The following DLGAP2 variants were observed in gnomAD, a reference collection of about 807,000 sequenced individuals.
The protein encoded by DLGAP2 is disks large-associated protein 2.
Under a neutral mutation model 100.3 loss-of-function variants are expected in DLGAP2, and 26 were observed. The ratio of observed to expected loss-of-function variants is 0.26; its 90% CI spans 0.19 to 0.36. DLGAP2 has a LOEUF of 0.36. DLGAP2 is among the 10% of genes least tolerant of loss of function. The pLI is 1.00. For synonymous variants in DLGAP2, 886 were observed against 630.1 expected, an observed-to-expected ratio of 1.41 and a Z score of -6.08; for missense variants, 1,858 against 1,453.2, an observed-to-expected ratio of 1.28 and a Z score of -4.53.
chr8:1,523,839 C>T (rs1221496453), intron 4 of DLGAP2, among the ~76,000 whole-genome samples: 1 of 152,168 alleles, frequency 6.6e-6, no homozygotes, highest in Non-Finnish European at 1.5e-5. Flanking sequence ...AAAAGAAATC[C>T]AGTGAATAAA....
intron 3 of DLGAP2, chr8:1,381,237 C>T (rs1008220282): frequency 6.6e-6 from 1 of 152,150 alleles, no homozygotes; most frequent in Non-Finnish European, 1.5e-5. Flanking sequence ...AACCTCACCA[C>T]CAATTCCATG....
At chr8:1,449,773 A>C (rs1395645159) in intron 3 of DLGAP2, among the ~76,000 whole-genome samples, 2 of 150,274 alleles carry the variant, frequency 1.3e-5, no homozygotes, top group Non-Finnish European at 3.0e-5. Flanking sequence ...CAAGGGCCGC[A>C]GAGAAGGAGC....
At chr8:1,179,670 T>C (rs991588265) in intron 2 of DLGAP2, among the ~76,000 whole-genome samples, 5 of 152,262 alleles carry the variant, frequency 3.3e-5, no homozygotes, top group African/African-American at 1.2e-4. Context: ...AATTTGTGTT[T>C]TAAACATATA....
At chr8:1,205,352 G>C (rs1209857916) in intron 2 of DLGAP2, among the ~76,000 whole-genome samples, 1 of 152,042 alleles carries the variant, frequency 6.6e-6, no homozygotes. Context: ...GGCTATTTGA[G>C]AAAAGGAAGG....
At chr8:1,287,320 TGTGTGTGTGTGTGC>T (rs1799948356) in intron 3 of DLGAP2, among the ~76,000 whole-genome samples, 1 of 135,584 alleles carries the variant, frequency 7.4e-6, no homozygotes. Context: ...TCAGCGTGTG[TGTGTGTGTGTGTGC>T]GTGGTTCTGT....
At chr8:1,093,042 GC>G (rs1804236938) in intron 2 of DLGAP2, among the ~76,000 whole-genome samples, 1 of 107,812 alleles carries the variant, frequency 9.3e-6, no homozygotes, top group African/African-American at 3.4e-5. Context: ...AGCCAGTGCT[GC>G]AGCTGAGGCT....
chr8:1,206,818 C>T (rs1173009526), intron 2 of DLGAP2, among the ~76,000 whole-genome samples: 1 of 152,220 alleles, frequency 6.6e-6, no homozygotes, highest in African/African-American at 2.4e-5. Flanking sequence ...TAAGGCTCCA[C>T]GGGCCCCTCT....
chr8:1,459,410 T>G (rs1798410820), intron 3 of DLGAP2, among the ~76,000 whole-genome samples: 1 of 152,206 alleles, frequency 6.6e-6, no homozygotes, highest in South Asian at 2.1e-4. Context: ...TCAGAGATTG[T>G]CACTTGTCAT....
chr8:813,872 T>A (rs1434319354), intron 1 of DLGAP2, among the ~76,000 whole-genome samples: 1 of 152,174 alleles, frequency 6.6e-6, no homozygotes, highest in Non-Finnish European at 1.5e-5. Flanking sequence ...TTCTGCCGAA[T>A]GTTCTGGGGC....
At chr8:1,502,563 C>T (rs371284941) in intron 4 of DLGAP2, among the ~76,000 whole-genome samples, 1 of 152,334 alleles carries the variant, frequency 6.6e-6, no homozygotes, top group South Asian at 2.1e-4. Context: ...TTTCTTCACT[C>T]GGAAATAGAC....
intron 3 of DLGAP2, among the ~76,000 whole-genome samples, chr8:1,479,255 C>A (rs1186845111): frequency 6.6e-6 from 1 of 152,194 alleles, no homozygotes; most frequent in Non-Finnish European, 1.5e-5. Context: ...ACCTTTACTC[C>A]GCTGCCAAAC....
intron 2 of DLGAP2, among the ~76,000 whole-genome samples, chr8:912,621 G>T (rs1002199898): frequency 6.6e-6 from 1 of 151,656 alleles, no homozygotes; most frequent in Non-Finnish European, 1.5e-5. Flanking sequence ...CGTGGTGCCC[G>T]CCTTCCTCTC....
intron 2 of DLGAP2, among the ~76,000 whole-genome samples, chr8:1,206,584 T>C (rs1323585431): frequency 1.3e-5 from 1 of 78,480 alleles, no homozygotes; most frequent in African/African-American, 6.9e-5. Context: ...GGGGGTAGAC[T>C]GTGAGCAGTT....
chr8:1,220,073 G>C (rs999296755), intron 2 of DLGAP2, among the ~76,000 whole-genome samples: 1 of 151,950 alleles, frequency 6.6e-6, no homozygotes, highest in Non-Finnish European at 1.5e-5. Context: ...TTATGGTTTT[G>C]TTGATGTTTT....
At position 1,549,437 on chromosome 8, in the gene DLGAP2, C is replaced by G. The variant is rs1293904138; in HGVS notation, c.984C>G (p.Pro328=). 1 of 1,613,362 alleles carries G rather than the reference C, an allele frequency of 6.2e-7. No individual in the cohort carries two copies. The highest frequency in any genetic ancestry group is 8.5e-7 in the Non-Finnish European group (1 of 1,179,804). ...HHLGPVAHCY[P]DALQSPFGDL... is the part of the protein sequence containing the mutation. ...TGGGCCCCGTGGCCCACTGCTACCCCGACGCGCTGCAGAGCCCCTTCGGGG... is the reference window on the plus strand; with the variant it reads ...TGGGCCCCGTGGCCCACTGCTACCCGGACGCGCTGCAGAGCCCCTTCGGGG... Residue 328 remains proline (P), a synonymous_variant, in exon 5 of 15, where the codon CCC becomes CCG. Coordinates refer to ENST00000637795, the MANE Select transcript of DLGAP2 (RefSeq NM_001346810.2).
intron 7 of DLGAP2, among the ~76,000 whole-genome samples, chr8:1,629,432 C>T (rs1308862275): frequency 1.3e-5 from 2 of 152,160 alleles, no homozygotes; most frequent in Non-Finnish European, 2.9e-5. Flanking sequence ...CCAGCCAGCC[C>T]CCTGCAAACA....
At position 1,206,194 on chromosome 8, in the gene DLGAP2, G is replaced by A. The variant is rs184716358; in HGVS notation, c.74-52657G>A. Among the ~76,000 whole-genome samples the A allele has an allele frequency of 1.2e-4, 19 of 152,310 alleles. No individual in the cohort carries two copies. In the East Asian group the frequency reaches 3.3e-3, roughly 26 times the overall value. Reference sequence around the variant, plus strand: ...GTGAGAAGGGTAGGTACAAGTGCCAGGCTGCTTGATGTTGGGGTGTTTGAG... The same window carrying A: ...GTGAGAAGGGTAGGTACAAGTGCCAAGCTGCTTGATGTTGGGGTGTTTGAG... On this transcript the variant is annotated intron_variant, in intron 2 of 14. Coordinates refer to ENST00000637795, the MANE Select transcript of DLGAP2 (RefSeq NM_001346810.2).
intron 2 of DLGAP2, among the ~76,000 whole-genome samples, chr8:1,170,639 C>A (rs1213693440): frequency 4.9e-5 from 7 of 141,672 alleles, no homozygotes; most frequent in Non-Finnish European, 9.5e-5. Context: ...GGAATGTATC[C>A]ATTTCTTCTA....
At chr8:794,735 G>A (rs1795989989) in intron 1 of DLGAP2, among the ~76,000 whole-genome samples, 1 of 152,138 alleles carries the variant, frequency 6.6e-6, no homozygotes, top group Admixed American at 6.5e-5. Flanking sequence ...CCAGTTTTGG[G>A]GCCAGTTTAT....
Sources: allele counts gnomAD v4.1 joint callset (sites outside exome capture counted in the v4.1 genomes callset), GRCh38; gene constraint gnomAD v4.1.1; transcripts MANE v1.5; gene names NCBI Gene and HGNC (gene_info 2026-07-23, HGNC 2026-07-21).